The following C1orf185 variants were observed in gnomAD, a reference collection of about 807,000 sequenced individuals.
C1orf185 encodes chromosome 1 open reading frame 185.
Under a neutral mutation model 16.1 loss-of-function variants are expected in C1orf185, and 13 were observed. That is an observed-to-expected ratio of 0.81 (90% CI 0.53 to 1.28). C1orf185 has a LOEUF of 1.28. Among genes scored for constraint, C1orf185 ranks in the 50% most tolerant of loss-of-function variants. C1orf185 has a pLI of 0.00. For synonymous variants in C1orf185, 80 were observed against 76.9 expected (o/e 1.04, Z -0.21); for missense variants, 220 against 225.2 (o/e 0.98, Z 0.15).
chr1:51,147,418 AG>A (rs1191014862), intron 4 of C1orf185, 48 bp from the exon 5 acceptor site: 1 of 1,415,958 alleles, frequency 7.1e-7, no homozygotes, highest in Non-Finnish European at 9.4e-7. Context: ...CTTATAATTA[AG>A]AGTTGGCTTG....
intron 3 of C1orf185, among the ~76,000 whole-genome samples, chr1:51,137,240 T>G (rs1035066525): frequency 1.3e-5 from 2 of 151,984 alleles, no homozygotes; most frequent in Non-Finnish European, 2.9e-5. Flanking sequence ...TGGCTGTTAC[T>G]AAAAAATCAA....
rs1019720657 is a variant in C1orf185, at chr1:51,131,958, CTTAGAG to C, written c.258+13164_258+13169del. 5.3e-5 allele frequency among the ~76,000 whole-genome samples: 8 copies of C among 152,132 alleles called. No individual in the cohort carries two copies. In the South Asian group the frequency reaches 8.3e-4, roughly 16 times the overall value. On this transcript the variant is annotated intron_variant, in intron 3 of 4. Transcript: ENST00000371759. ...CAAAGTCAGGGCCCAGTGCAAGTACCTTAGAGTTAGAGCACACAGTCTAGGAATTGG... is the reference window on the plus strand; with the variant it reads ...CAAAGTCAGGGCCCAGTGCAAGTACCTTAGAGCACACAGTCTAGGAATTGG...
chr1:51,109,801 G>C (rs1307860944), intron 1 of C1orf185, among the ~76,000 whole-genome samples: 5 of 152,070 alleles, frequency 3.3e-5, no homozygotes, highest in Admixed American at 1.3e-4. Context: ...TAGCATTGTA[G>C]TATATTTTGA....
intron 2 of C1orf185, among the ~76,000 whole-genome samples, chr1:51,112,787 T>C (rs186905634): frequency 2.2e-3 from 332 of 152,136 alleles, no homozygotes; most frequent in Admixed American, 3.5e-3. Flanking sequence ...CATTAAAATT[T>C]TGAAGGATAA....
At chr1:51,151,713 G>C (rs2148037124), downstream of C1orf185, among the ~76,000 whole-genome samples, 1 of 151,772 alleles carries the variant, frequency 6.6e-6, no homozygotes, top group African/African-American at 2.4e-5. Flanking sequence ...TTTTGAGACA[G>C]AGTCTTGCTC....
chr1:51,136,597 C>A (rs1375606673), intron 3 of C1orf185, among the ~76,000 whole-genome samples: 2 of 152,056 alleles, frequency 1.3e-5, no homozygotes, highest in African/African-American at 4.8e-5. Flanking sequence ...AGAAATAAGG[C>A]CACACACCTA....
chr1:51,129,090 G>C (rs1646263913), intron 3 of C1orf185, among the ~76,000 whole-genome samples: 3 of 151,898 alleles, frequency 2.0e-5, no homozygotes, highest in African/African-American at 7.3e-5. Flanking sequence ...TCACCATGTT[G>C]GCCAGGCTGG....
chr1:51,145,308 A>C (rs1646391684), intron 3 of C1orf185, among the ~76,000 whole-genome samples: 1 of 126,504 alleles, frequency 7.9e-6, no homozygotes, highest in South Asian at 2.3e-4. Flanking sequence ...CTGTCTCTAA[A>C]ATAATAATAA....
chr1:51,142,994 C>A (rs1646375336), intron 3 of C1orf185, among the ~76,000 whole-genome samples: 1 of 151,964 alleles, frequency 6.6e-6, no homozygotes, highest in Admixed American at 6.6e-5. Flanking sequence ...AAACTCCTGG[C>A]CTCAGGGGAT....
chr1:51,143,100 G>T (rs1351678441), intron 3 of C1orf185, among the ~76,000 whole-genome samples: 4 of 151,912 alleles, frequency 2.6e-5, no homozygotes, highest in Non-Finnish European at 5.9e-5. Flanking sequence ...ATTTTAGATT[G>T]ATCGCACAAT....
chr1:51,127,130 T>G (rs1013662625), intron 3 of C1orf185, among the ~76,000 whole-genome samples: 15 of 152,292 alleles, frequency 9.8e-5, no homozygotes, highest in South Asian at 2.1e-4. Flanking sequence ...TGCAAAGAAT[T>G]TAGATATTCC....
chr1:51,152,226 G>A (rs901615372), downstream of C1orf185, among the ~76,000 whole-genome samples: 1 of 152,168 alleles, frequency 6.6e-6, no homozygotes, highest in Non-Finnish European at 1.5e-5. Flanking sequence ...AAAAGAACTG[G>A]ACATAGGGCG....
chr1:51,147,468 A>T lies in C1orf185; in HGVS notation c.297A>T (p.Ala99=). ...TTCATAGTAAATCTGTTTTTACAGC[A>T]ATTAAAGATCATTCTAAAGATGAAC... The part of the protein sequence containing the change: ...QRKKEAAHIK[A]IKDHSKDEPQ... The change falls in exon 5 of 5, where the codon GCA becomes GCT. Residue 99 remains alanine (A), a splice_region_variant and synonymous_variant. Coordinates refer to ENST00000371759, the MANE Select transcript of C1orf185 (RefSeq NM_001136508.2). The T allele has an allele frequency of 1.3e-6, 2 of 1,517,230 alleles. No individual in the cohort carries two copies. The highest frequency in any genetic ancestry group is 1.8e-6 in the Non-Finnish European group (2 of 1,133,104). The allele number at this position is 1,517,230 out of a possible 1,614,324, so 94.0% of individuals were successfully genotyped here.
intron 3 of C1orf185, among the ~76,000 whole-genome samples, chr1:51,129,009 T>G (rs1482195747): frequency 6.6e-6 from 1 of 151,806 alleles, no homozygotes; most frequent in East Asian, 2.0e-4. Context: ...CTCAGCCTCC[T>G]GAGTAGCTGG....
intron 3 of C1orf185, among the ~76,000 whole-genome samples, chr1:51,131,407 G>A (rs571887154): frequency 6.6e-6 from 1 of 152,286 alleles, no homozygotes; most frequent in Non-Finnish European, 1.5e-5. Flanking sequence ...AGTGGTAAGA[G>A]CTACTGTAGA....
chr1:51,131,619 AAGAG>A (rs987316697), intron 3 of C1orf185, among the ~76,000 whole-genome samples: 4 of 151,330 alleles, frequency 2.6e-5, no homozygotes, highest in Non-Finnish European at 4.4e-5. Context: ...AGCAAAAAGA[AAGAG>A]AGAGAGAGAG....
intron 3 of C1orf185, among the ~76,000 whole-genome samples, chr1:51,141,918 G>A (rs1419800325): frequency 6.6e-6 from 1 of 151,864 alleles, no homozygotes; most frequent in Non-Finnish European, 1.5e-5. Flanking sequence ...TGCAACCTCC[G>A]CAACCATGCC....
At chr1:51,118,384 C>G (rs1444310323) in intron 2 of C1orf185, among the ~76,000 whole-genome samples, 1 of 152,144 alleles carries the variant, frequency 6.6e-6, no homozygotes, top group African/African-American at 2.4e-5. Flanking sequence ...AGACTCCTGG[C>G]TAATATTCAA....
chr1:51,149,246 G>C (rs1276695355), downstream of C1orf185, among the ~76,000 whole-genome samples: 1 of 151,982 alleles, frequency 6.6e-6, no homozygotes, highest in African/African-American at 2.4e-5. Flanking sequence ...CCCATACTAA[G>C]ACCTATTCAT....
Sources: allele counts gnomAD v4.1 joint callset (sites outside exome capture counted in the v4.1 genomes callset), GRCh38; gene constraint gnomAD v4.1.1; transcripts MANE v1.5; gene names NCBI Gene and HGNC (gene_info 2026-07-23, HGNC 2026-07-21).